The following SPECC1 variants were observed in gnomAD, a reference collection of about 807,000 sequenced individuals.
The protein encoded by SPECC1 is cytospin-B.
A neutral mutation model predicts 104.1 loss-of-function variants in SPECC1; 62 were observed. That is an observed-to-expected ratio of 0.60 (90% confidence interval 0.49 to 0.74). SPECC1 has a LOEUF of 0.74. SPECC1 is among the 30% of genes least tolerant of loss of function. The pLI is 0.00. For synonymous variants in SPECC1, 513 were observed against 501.6 expected, an observed-to-expected ratio of 1.02 and a Z score of -0.30; for missense variants, 1,306 against 1,310.5, an observed-to-expected ratio of 1.00 and a Z score of 0.05.
chr17:20,036,100 T>G (rs907903385), intron 1 of SPECC1, among the ~76,000 whole-genome samples: 5 of 152,102 alleles, frequency 3.3e-5, no homozygotes, highest in Non-Finnish European at 5.9e-5. Flanking sequence ...CATGAGCCAC[T>G]GCGCTTGGCT....
chr17:20,155,971 G>T (rs2032443125), intron 3 of SPECC1: 2 of 1,263,700 alleles, frequency 1.6e-6, no homozygotes, highest in Non-Finnish European at 1.0e-6. Flanking sequence ...GAAGGGGGCG[G>T]GCCGCGAGGG....
intron 3 of SPECC1, among the ~76,000 whole-genome samples, chr17:20,123,518 T>C (rs764527355): frequency 6.6e-6 from 1 of 152,190 alleles, no homozygotes; most frequent in Non-Finnish European, 1.5e-5. Flanking sequence ...ACCTGTCCTC[T>C]CTGACATGAG....
chr17:20,206,142 G>T (rs1190586765), intron 4 of SPECC1, among the ~76,000 whole-genome samples: 3 of 152,200 alleles, frequency 2.0e-5, no homozygotes, highest in Non-Finnish European at 2.9e-5. Flanking sequence ...GGGATGTAGA[G>T]TCAAATCAGA....
chr17:20,261,459 G>T (rs546030689), intron 12 of SPECC1, among the ~76,000 whole-genome samples: 1 of 140,666 alleles, frequency 7.1e-6, no homozygotes, highest in East Asian at 2.1e-4. Flanking sequence ...CCAAGATTGC[G>T]CCACTGCACT....
intron 1 of SPECC1, among the ~76,000 whole-genome samples, chr17:20,074,742 T>A (rs1399236708): frequency 6.6e-6 from 1 of 152,094 alleles, no homozygotes; most frequent in Non-Finnish European, 1.5e-5. Context: ...ACCTTTCCTT[T>A]ACCAAGTGAG....
intron 7 of SPECC1, 146 bp from the exon 8 acceptor site, chr17:20,245,780 C>A: frequency 1.1e-6 from 1 of 927,332 alleles, no homozygotes; most frequent in Non-Finnish European, 1.6e-6. Flanking sequence ...AAGATGCAAA[C>A]TGGTAGAGAA....
intron 1 of SPECC1, among the ~76,000 whole-genome samples, chr17:20,045,167 T>C (rs1034985691): frequency 3.9e-5 from 6 of 152,218 alleles, no homozygotes; most frequent in South Asian, 4.1e-4. Context: ...GATTTTTTTT[T>C]CCAGAAATTA....
intron 3 of SPECC1, among the ~76,000 whole-genome samples, chr17:20,163,968 C>T (rs934938348): frequency 6.6e-6 from 1 of 152,112 alleles, no homozygotes; most frequent in African/African-American, 2.4e-5. Flanking sequence ...GCAAGGTTGA[C>T]CCTGTAACTC....
At position 20,205,777 on chromosome 17, in the gene SPECC1, G is replaced by C; in HGVS notation, c.1728G>C (p.Glu576Asp). The part of the protein sequence containing the change: ...TEASAVEQTA[E>D]SCEVQEMLKV... ...CCAGTGCTGTGGAGCAGACGGCAGAGAGCTGCGAAGTTCAAGAAATGTTGA... is the reference window on the plus strand; with the variant it reads ...CCAGTGCTGTGGAGCAGACGGCAGACAGCTGCGAAGTTCAAGAAATGTTGA... The change falls in exon 4 of 15, where the codon GAG (glutamate) becomes GAC (aspartate). Residue 576 changes from glutamate (E) to aspartate (D), a missense_variant. This residue lies in a region of SPECC1 where 1,177 missense variants were observed against 1,139.9 expected (regional missense o/e 1.03). Coordinates refer to ENST00000395527, the MANE Select transcript of SPECC1 (RefSeq NM_001243439.2). 7.4e-6 allele frequency: 12 copies of C among 1,614,216 alleles called. No individual in the cohort carries two copies. Among genetic ancestry groups the C allele is most frequent in the Non-Finnish European group, 9.3e-6 (11 of 1,180,036 alleles).
chr17:20,128,690 G>T (rs901225360), intron 3 of SPECC1, among the ~76,000 whole-genome samples: 16 of 151,802 alleles, frequency 1.1e-4, no homozygotes, highest in African/African-American at 3.9e-4. Flanking sequence ...ATTTTGTGTG[G>T]TGAATTTTAT....
At chr17:20,085,862 C>A (rs1263767114) in intron 1 of SPECC1, among the ~76,000 whole-genome samples, 1 of 152,248 alleles carries the variant, frequency 6.6e-6, no homozygotes, top group African/African-American at 2.4e-5. Context: ...CACCACGACT[C>A]TGGGTACCCA....
rs1408505687 is a variant in SPECC1, at chr17:20,205,730, G to A, written c.1681G>A (p.Glu561Lys). 2.5e-6 allele frequency: 4 copies of A among 1,614,110 alleles called. No individual in the cohort carries two copies. The highest frequency in any genetic ancestry group is 1.3e-5 in the African/African-American group (1 of 74,942). Residue 561 changes from glutamate to lysine, a missense_variant, in exon 4 of 15, where the codon GAG (glutamate) becomes AAG (lysine). By Grantham distance (56) the Glu-to-Lys change is moderately conservative. This residue lies in a region of SPECC1 where 1,177 missense variants were observed against 1,139.9 expected (regional missense o/e 1.03). Coordinates refer to ENST00000395527, the MANE Select transcript of SPECC1 (RefSeq NM_001243439.2). Reference protein sequence around the residue: ...NGSLKSHLQGEKQKATEASAV... With the variant: ...NGSLKSHLQGKKQKATEASAV... Reference sequence around the variant, plus strand: ...ATCTTTGAAGTCTCATTTGCAGGGTGAGAAGCAGAAAGCCACAGAGGCCAG... The same window carrying A: ...ATCTTTGAAGTCTCATTTGCAGGGTAAGAAGCAGAAAGCCACAGAGGCCAG...
chr17:20,232,153 T>G (rs1450052692), intron 6 of SPECC1, 47 bp from the exon 7 acceptor site: 2 of 1,601,530 alleles, frequency 1.2e-6, no homozygotes, highest in Non-Finnish European at 1.7e-6. Flanking sequence ...GCCCAGGCAC[T>G]GGCCCTGGCA....
At chr17:20,295,350 T>A (rs2041314099) in intron 12 of SPECC1, among the ~76,000 whole-genome samples, 1 of 152,078 alleles carries the variant, frequency 6.6e-6, no homozygotes, top group Non-Finnish European at 1.5e-5. Context: ...GGACATGAAC[T>A]CATCCTTTTT....
Position 20,205,592 on chromosome 17 carries a change from G to A in SPECC1, c.1543G>A (p.Glu515Lys), listed in dbSNP as rs765914653. 3 of 1,613,984 alleles carry A rather than the reference G, an allele frequency of 1.9e-6. No homozygotes were observed. Among genetic ancestry groups the A allele is most frequent in the South Asian group, 2.2e-5 (2 of 91,058 alleles). ...ALEMIKRLKE[E>K]NEKLNEFLEL... is the part of the protein sequence containing the mutation. ...AGAAATGATTAAACGTCTGAAGGAA[G>A]AAAATGAAAAACTGAATGAGTTTCT... Residue 515 changes from glutamate to lysine, a missense_variant, in exon 4 of 15, where the codon GAA (glutamate) becomes AAA (lysine). Transcript: ENST00000395527.
At chr17:20,135,377 C>A (rs907604965) in intron 3 of SPECC1, among the ~76,000 whole-genome samples, 14 of 152,272 alleles carry the variant, frequency 9.2e-5, no homozygotes, top group African/African-American at 3.4e-4. Flanking sequence ...CAAAAGGCAG[C>A]CCCTTTGTGG....
intron 3 of SPECC1, chr17:20,111,888 G>A: frequency 1.3e-6 from 1 of 797,402 alleles, no homozygotes; most frequent in Admixed American, 1.7e-5. Context: ...GCTGTATGTG[G>A]AACTTTATCT....
At chr17:20,131,290 C>G (rs2049611980) in intron 3 of SPECC1, among the ~76,000 whole-genome samples, 1 of 151,878 alleles carries the variant, frequency 6.6e-6, no homozygotes, top group African/African-American at 2.4e-5. Flanking sequence ...CTCCCAGATT[C>G]AAGTGATTCT....
chr17:20,184,339 G>C (rs2035119395), intron 3 of SPECC1, among the ~76,000 whole-genome samples: 1 of 152,132 alleles, frequency 6.6e-6, no homozygotes, highest in Admixed American at 6.5e-5. Context: ...TGCCTATGCT[G>C]TGATCCCAAA....
Sources: gnomAD v4.1 joint callset for allele counts (sites outside exome capture counted in the v4.1 genomes callset) on GRCh38, gnomAD v4.1.1 for gene constraint, gnomAD v4.1.1 regional missense constraint, MANE v1.5 for transcripts, NCBI Gene and HGNC (gene_info 2026-07-23, HGNC 2026-07-21) for gene names.